Variants in KCNJ3 observed in about 807,000 individuals in gnomAD.
The protein encoded by KCNJ3 is potassium inwardly rectifying channel subfamily J member 3.
KCNJ3 carries 4 observed loss-of-function variants against 39.2 expected under a neutral mutation model. The observed-to-expected ratio is 0.10, with a 90% CI of 0.05 to 0.23. The LOEUF (loss-of-function observed/expected upper bound fraction) is 0.23, where lower values mean the gene tolerates loss of function less well. KCNJ3 is among the 10% of genes least tolerant of loss of function. The pLI is 1.00. For synonymous variants in KCNJ3, 230 were observed against 237.4 expected (o/e 0.97, Z 0.29); for missense variants, 276 against 634.9 (o/e 0.43, Z 6.08).
intron 2 of KCNJ3, among the ~76,000 whole-genome samples, chr2:154,835,451 ATATATAATATT>A (rs1401043985): frequency 1.6e-4 from 15 of 96,028 alleles, no homozygotes; most frequent in Non-Finnish European, 3.3e-4. Flanking sequence ...ATGAATATGA[ATATATAATATT>A]CATGAATATG....
intron 2 of KCNJ3, among the ~76,000 whole-genome samples, chr2:154,730,131 T>C (rs969159654): frequency 1.3e-5 from 2 of 151,976 alleles, no homozygotes; most frequent in African/African-American, 4.8e-5. Context: ...ATGATGCAAC[T>C]AAGGACCAAC....
intron 2 of KCNJ3, among the ~76,000 whole-genome samples, chr2:154,753,324 A>G (rs1451720946): frequency 1.3e-5 from 2 of 152,172 alleles, no homozygotes; most frequent in African/African-American, 4.8e-5. Flanking sequence ...TAGAAGCAGC[A>G]TGGCGTGTTG....
At chr2:154,814,539 A>C (rs1687052422) in intron 2 of KCNJ3, among the ~76,000 whole-genome samples, 1 of 152,124 alleles carries the variant, frequency 6.6e-6, no homozygotes, top group Non-Finnish European at 1.5e-5. Context: ...CAGGAGGCTG[A>C]GGCAGGAGAA....
In KCNJ3 at chr2:154,699,604, T is replaced by G. The variant is rs1684850839; in HGVS notation, c.702+127T>G. ...CTATAGCCACAGGTAAACTTCCTTT[T>G]GGGGGGTTGGGGGTTGGAGGACTGG... is the stretch of plus-strand genomic sequence containing the variant. On this transcript the variant is annotated intron_variant, in intron 1 of 2. Coordinates refer to ENST00000295101, the MANE Select transcript of KCNJ3 (RefSeq NM_002239.4). The surrounding 1 kb of genome is among the most constrained non-coding windows in gnomAD (Gnocchi z 6.4). The G allele has an allele frequency of 2.9e-6, 4 of 1,389,168 alleles. No individual in the cohort carries two copies. Among genetic ancestry groups the G allele is most frequent in the Middle Eastern group, 2.6e-4 (1 of 3,818 alleles). The allele number at this position is 1,389,168 out of a possible 1,614,324, so 86.1% of individuals were successfully genotyped here.
At chr2:154,706,642 G>C (rs972553401) in intron 1 of KCNJ3, among the ~76,000 whole-genome samples, 6 of 151,792 alleles carry the variant, frequency 4.0e-5, no homozygotes, top group Non-Finnish European at 7.4e-5. Context: ...TAACTCATAG[G>C]CTTTTTTTTT....
chr2:154,771,285 G>C (rs1485205064), intron 2 of KCNJ3, among the ~76,000 whole-genome samples: 3 of 152,098 alleles, frequency 2.0e-5, no homozygotes, highest in Admixed American at 6.6e-5. Context: ...TGTAAAACAG[G>C]GCTTTTTAAT....
chr2:154,801,195 C>T (rs1367431776), intron 2 of KCNJ3, among the ~76,000 whole-genome samples: 2 of 152,154 alleles, frequency 1.3e-5, no homozygotes, highest in Non-Finnish European at 2.9e-5. Flanking sequence ...TTTTCCTTTT[C>T]CTGATCTATA....
chr2:154,748,859 G>A (rs925905477), intron 2 of KCNJ3, among the ~76,000 whole-genome samples: 4 of 152,044 alleles, frequency 2.6e-5, no homozygotes, highest in Admixed American at 2.6e-4. Flanking sequence ...ATGTACTACT[G>A]ATACGGACAT....
chr2:154,761,561 G>T (rs909997975), intron 2 of KCNJ3, among the ~76,000 whole-genome samples: 49 of 152,054 alleles, frequency 3.2e-4, no homozygotes, highest in African/African-American at 1.2e-3. Flanking sequence ...ATAATTTTGG[G>T]TCTCTACATC....
At chr2:154,815,110 T>A (rs888222000) in intron 2 of KCNJ3, among the ~76,000 whole-genome samples, 2 of 152,184 alleles carry the variant, frequency 1.3e-5, no homozygotes, top group African/African-American at 4.8e-5. Context: ...AACAGTTGAA[T>A]TGCCTAATTT....
chr2:154,800,622 T>C (rs1290870066), intron 2 of KCNJ3, among the ~76,000 whole-genome samples: 4 of 152,222 alleles, frequency 2.6e-5, no homozygotes, highest in African/African-American at 9.6e-5. Flanking sequence ...ATGTTTTGCA[T>C]TTTTTCTTAT....
chr2:154,744,451 A>C (rs1251331477), intron 2 of KCNJ3, among the ~76,000 whole-genome samples: 1 of 151,796 alleles, frequency 6.6e-6, no homozygotes, highest in Non-Finnish European at 1.5e-5. Flanking sequence ...TCAAAAGTGA[A>C]ATTAGCCTGA....
In KCNJ3 at chr2:154,727,617, A is replaced by G. The variant is rs997024924; in HGVS notation, c.919+17798A>G. ...AAAAAAAAAAAAAAAAAAAGAGAGA[A>G]AAAGAGTATGAATTAAATTGATTTT... is the stretch of plus-strand genomic sequence containing the variant. On this transcript the variant is annotated intron_variant, in intron 2 of 2. Transcript: ENST00000295101. Among the ~76,000 whole-genome samples, 7 of 142,772 alleles carry G rather than the reference A, an allele frequency of 4.9e-5. No individual in the cohort carries two copies. The South Asian group carries it at 6.6e-4, about 13-fold the overall frequency. The allele number at this position is 142,772 out of a possible 152,430, so 93.7% of individuals were successfully genotyped here. A position where few individuals can be genotyped will look rare whatever the true frequency, so the allele number is the denominator to read the frequency against.
intron 2 of KCNJ3, among the ~76,000 whole-genome samples, chr2:154,745,867 T>C (rs1042661634): frequency 1.3e-5 from 2 of 152,030 alleles, no homozygotes; most frequent in African/African-American, 4.8e-5. Flanking sequence ...CAGTTGTAGA[T>C]AGAAGTTCAG....
At chr2:154,749,919 C>T (rs933623427) in intron 2 of KCNJ3, among the ~76,000 whole-genome samples, 14 of 151,778 alleles carry the variant, frequency 9.2e-5, no homozygotes. Flanking sequence ...TAACAATCTC[C>T]CTATCTCCAA....
intron 1 of KCNJ3, among the ~76,000 whole-genome samples, chr2:154,705,784 T>C (rs949932196): frequency 2.0e-5 from 3 of 152,122 alleles, no homozygotes; most frequent in Non-Finnish European, 4.4e-5. Flanking sequence ...AAACAATTAA[T>C]TTATTTAAAC....
intron 2 of KCNJ3, among the ~76,000 whole-genome samples, chr2:154,802,091 G>T (rs950971247): frequency 3.3e-5 from 5 of 152,068 alleles, no homozygotes; most frequent in Non-Finnish European, 7.4e-5. Flanking sequence ...AACTGTAATT[G>T]TGAGTCAGGA....
chr2:154,760,039 T>C (rs187207541), intron 2 of KCNJ3, among the ~76,000 whole-genome samples: 1 of 152,142 alleles, frequency 6.6e-6, no homozygotes, highest in Non-Finnish European at 1.5e-5. Flanking sequence ...ACAGATTTTC[T>C]AAATACTGTA....
intron 2 of KCNJ3, among the ~76,000 whole-genome samples, chr2:154,831,697 T>C (rs1160140460): frequency 6.6e-6 from 1 of 152,204 alleles, no homozygotes; most frequent in Non-Finnish European, 1.5e-5. Context: ...TATGCAACGA[T>C]ACCACCAAGG....
Sources: allele counts gnomAD v4.1 joint callset (sites outside exome capture counted in the v4.1 genomes callset), GRCh38; gene constraint gnomAD v4.1.1; non-coding constraint Gnocchi (gnomAD v3.1); transcripts MANE v1.5; gene names NCBI Gene and HGNC (gene_info 2026-07-23, HGNC 2026-07-21).